PSMA6: variants seen among roughly 807,000 people sequenced by gnomAD.
PSMA6 encodes the protein proteasome 20S subunit alpha 6.
For synonymous variants in PSMA6, 88 were observed against 97.7 expected (o/e 0.90, Z 0.59); for missense variants, 170 against 294.8 (o/e 0.58, Z 3.10).
intron 1 of PSMA6, among the ~76,000 whole-genome samples, chr14:35,302,542 G>A (rs1163851710): frequency 2.6e-5 from 4 of 152,028 alleles, no homozygotes; most frequent in Admixed American, 2.0e-4. Context: ...AGTTTTCTGA[G>A]GTTCTTTAAT....
chr14:35,281,799 G>A (rs1329482233), intron 1 of PSMA6, among the ~76,000 whole-genome samples: 1 of 152,132 alleles, frequency 6.6e-6, no homozygotes, highest in African/African-American at 2.4e-5. Context: ...GACAGGATCA[G>A]GTTGGTCTTG....
chr14:35,307,014 G>A (rs893945557), intron 1 of PSMA6, among the ~76,000 whole-genome samples: 7 of 152,074 alleles, frequency 4.6e-5, no homozygotes, highest in South Asian at 2.1e-4. Flanking sequence ...TGGGCATGGT[G>A]GTGTGCACCT....
chr14:35,308,049 G>A lies in PSMA6; in HGVS notation c.132G>A (p.Gly44=). The change falls in exon 2 of 7, where the codon GGG becomes GGA. Residue 44 remains glycine (G), a synonymous_variant. Coordinates refer to ENST00000261479, the MANE Select transcript of PSMA6 (RefSeq NM_002791.3). ...GCCTTACATCAGTAGCTGTCAGAGGGAAAGACTGTGCAGTAATTGTCACAC... is the reference window on the plus strand; with the variant it reads ...GCCTTACATCAGTAGCTGTCAGAGGAAAAGACTGTGCAGTAATTGTCACAC... ...QGGLTSVAVR[G]KDCAVIVTQK... is the part of the protein sequence containing the mutation. 1 of 1,613,950 alleles carries A rather than the reference G, an allele frequency of 6.2e-7. No homozygotes were observed. The highest frequency in any genetic ancestry group is 8.5e-7 in the Non-Finnish European group (1 of 1,179,878).
At chr14:35,306,946 G>A (rs570185713) in intron 1 of PSMA6, among the ~76,000 whole-genome samples, 2 of 151,578 alleles carry the variant, frequency 1.3e-5, no homozygotes, top group African/African-American at 4.8e-5. Flanking sequence ...CAGGAGTTCG[G>A]CACCAGCCTG....
At chr14:35,307,846 T>C in intron 1 of PSMA6, 148 bp from the exon 2 acceptor site, 1 of 628,906 alleles carries the variant, frequency 1.6e-6, no homozygotes, top group Non-Finnish European at 2.7e-6. Flanking sequence ...GTGGTCATTA[T>C]TATTATTTTG....
At chr14:35,317,158 T>C in intron 6 of PSMA6, 91 bp from the exon 7 acceptor site, 1 of 889,454 alleles carries the variant, frequency 1.1e-6, no homozygotes, top group Non-Finnish European at 1.9e-6. Flanking sequence ...GGTTGATAGG[T>C]ATATGGGAGT....
Position 35,317,411 on chromosome 14 carries a change from ACTC to A in PSMA6, c.*111_*113del, listed in dbSNP as rs908674830. The stretch of plus-strand genomic sequence containing the variant: ...CTGGATTGAAAAAGGAGCCTCTCCC[ACTC>A]CTCCTACCACCGAAGTGGTTAGGAC... On this transcript the variant is annotated 3_prime_UTR_variant, in exon 7 of 7. Transcript: ENST00000261479. 4.1e-6 allele frequency: 4 copies of A among 974,874 alleles called. No homozygotes were observed. The highest frequency in any genetic ancestry group is 6.5e-6 in the Non-Finnish European group (4 of 618,144). The allele number at this position is 974,874 out of a possible 1,614,324, so 60.4% of individuals were successfully genotyped here. A position where few individuals can be genotyped will look rare whatever the true frequency, so the allele number is the denominator to read the frequency against.
At chr14:35,307,432 T>G (rs1164519193) in intron 1 of PSMA6, among the ~76,000 whole-genome samples, 1 of 152,070 alleles carries the variant, frequency 6.6e-6, no homozygotes, top group African/African-American at 2.4e-5. Context: ...ATGATAAAAA[T>G]TAAATTAAAC....
At chr14:35,293,634 G>A (rs2051529511) in intron 1 of PSMA6, among the ~76,000 whole-genome samples, 1 of 152,200 alleles carries the variant, frequency 6.6e-6, no homozygotes. Flanking sequence ...TTACTGCATA[G>A]TGTATATAAT....
At chr14:35,296,646 G>A (rs903393235) in intron 1 of PSMA6, among the ~76,000 whole-genome samples, 1 of 152,066 alleles carries the variant, frequency 6.6e-6, no homozygotes, top group African/African-American at 2.4e-5. Context: ...AGTATTTTCT[G>A]TAGGGGATAC....
intron 6 of PSMA6, 116 bp downstream of exon 6, chr14:35,314,571 G>A: frequency 3.1e-6 from 4 of 1,294,738 alleles, no homozygotes; most frequent in Middle Eastern, 4.1e-4. Flanking sequence ...GTTTTTGTTT[G>A]TGTGTTTGTT....
At chr14:35,282,652 A>T (rs2051378612) in intron 1 of PSMA6, among the ~76,000 whole-genome samples, 1 of 152,066 alleles carries the variant, frequency 6.6e-6, no homozygotes, top group African/African-American at 2.4e-5. Context: ...GGAGCTCAAG[A>T]CCAGCCTGGG....
chr14:35,313,263 G>A (rs2051979311), intron 5 of PSMA6: 1 of 495,692 alleles, frequency 2.0e-6, no homozygotes, highest in Non-Finnish European at 3.4e-6. Context: ...ATGTATTTGA[G>A]GTGGCTTTCA....
intron 1 of PSMA6, among the ~76,000 whole-genome samples, chr14:35,283,563 T>C (rs2051391336): frequency 6.6e-6 from 1 of 151,014 alleles, no homozygotes; most frequent in African/African-American, 2.4e-5. Context: ...TTTTTTTTTT[T>C]TTTTTTTTAG....
chr14:35,290,225 T>G (rs1448925655), upstream of PSMA6, among the ~76,000 whole-genome samples: 1 of 152,192 alleles, frequency 6.6e-6, no homozygotes, highest in Non-Finnish European at 1.5e-5. Flanking sequence ...GAGCCAGCTG[T>G]TGAGGCTGTG....
chr14:35,290,571 T>C (rs1171901915), upstream of PSMA6, among the ~76,000 whole-genome samples: 2 of 152,226 alleles, frequency 1.3e-5, no homozygotes, highest in Non-Finnish European at 2.9e-5. Flanking sequence ...AATTCCCTTA[T>C]GAAGGTCTTA....
chr14:35,310,122 TA>T (rs1212380562), intron 3 of PSMA6: 2,315 of 324,116 alleles, frequency 7.1e-3, no homozygotes, highest in East Asian at 0.011. Flanking sequence ...ACCCCATCTC[TA>T]AAAAAAAAAT....
At chr14:35,306,612 C>T (rs568953864) in intron 1 of PSMA6, among the ~76,000 whole-genome samples, 11 of 152,096 alleles carry the variant, frequency 7.2e-5, no homozygotes, top group Admixed American at 6.5e-4. Flanking sequence ...GAGGCCGAGG[C>T]AGGAGAATCG....
At chr14:35,281,108 G>A (rs2051361891) in intron 1 of PSMA6, among the ~76,000 whole-genome samples, 1 of 152,080 alleles carries the variant, frequency 6.6e-6, no homozygotes, top group Non-Finnish European at 1.5e-5. Flanking sequence ...GACTTTGCTT[G>A]CCTTTCTCCC....
Sources: allele counts gnomAD v4.1 joint callset (sites outside exome capture counted in the v4.1 genomes callset), GRCh38; gene constraint gnomAD v4.1.1; transcripts MANE v1.5; gene names NCBI Gene and HGNC (gene_info 2026-07-23, HGNC 2026-07-21).